RTN1: variants seen among roughly 807,000 people sequenced by gnomAD.
The protein encoded by RTN1 is reticulon 1.
RTN1 carries 25 observed loss-of-function variants against 65.5 expected under a neutral mutation model. The ratio of observed to expected loss-of-function variants is 0.38; its 90% CI spans 0.28 to 0.53. The LOEUF is 0.53. RTN1 is among the 20% of genes least tolerant of loss of function. RTN1 has a pLI of 0.79. For missense variants in RTN1, 983 were observed against 1,025.4 expected, an observed-to-expected ratio of 0.96 and a Z score of 0.57; for synonymous variants, 471 against 447.6, an observed-to-expected ratio of 1.05 and a Z score of -0.66.
chr14:59,698,472 G>A (rs997700504), intron 3 of RTN1, among the ~76,000 whole-genome samples: 3 of 152,218 alleles, frequency 2.0e-5, no homozygotes, highest in Non-Finnish European at 2.9e-5. Context: ...GAACTCCCAC[G>A]TGTTGTGGGA....
intron 3 of RTN1, among the ~76,000 whole-genome samples, chr14:59,708,950 T>C (rs1171263479): frequency 2.6e-5 from 4 of 152,204 alleles, no homozygotes; most frequent in East Asian, 1.9e-4. Flanking sequence ...TTATAGTTAA[T>C]GTAGTGGAAA....
chr14:59,679,659 G>A (rs907263359), intron 3 of RTN1, among the ~76,000 whole-genome samples: 1 of 152,220 alleles, frequency 6.6e-6, no homozygotes, highest in Admixed American at 6.5e-5. Context: ...CCTGACCTAT[G>A]AGAAGAAGCT....
intron 1 of RTN1, among the ~76,000 whole-genome samples, chr14:59,840,359 G>A (rs972330944): frequency 3.9e-5 from 6 of 152,160 alleles, no homozygotes; most frequent in Non-Finnish European, 8.8e-5. Context: ...AAGCCACCCT[G>A]TCCTCTCCAC....
At chr14:59,630,638 C>T (rs779774819) in intron 3 of RTN1, 5 of 1,353,826 alleles carry the variant, frequency 3.7e-6, no homozygotes, top group Non-Finnish European at 4.8e-6. Flanking sequence ...CTGCACCAGG[C>T]GGCGCGCGGT....
chr14:59,804,398 G>A (rs1886599578), intron 1 of RTN1, among the ~76,000 whole-genome samples: 1 of 152,148 alleles, frequency 6.6e-6, no homozygotes, highest in African/African-American at 2.4e-5. Context: ...GGTCACCTGA[G>A]GTAGTGTTCT....
chr14:59,662,230 A>G (rs1264758222), intron 3 of RTN1, among the ~76,000 whole-genome samples: 1 of 151,446 alleles, frequency 6.6e-6, no homozygotes, highest in Non-Finnish European at 1.5e-5. Context: ...TTACATATGT[A>G]TACACGTGCC....
At chr14:59,680,570 T>TTATA (rs1883725118) in intron 3 of RTN1, among the ~76,000 whole-genome samples, 1 of 152,220 alleles carries the variant, frequency 6.6e-6, no homozygotes, top group African/African-American at 2.4e-5. Context: ...TTATTTAGTG[T>TTATA]GTCCAGGCAT....
rs1357212203 is a variant in RTN1, at chr14:59,846,289, C to T, written c.241+24101G>A. On this transcript the variant is annotated intron_variant, in intron 1 of 8. Coordinates refer to ENST00000267484, the MANE Select transcript of RTN1 (RefSeq NM_021136.3). The surrounding 1 kb of genome is among the most constrained non-coding windows in gnomAD (Gnocchi z 4.8). The stretch of plus-strand genomic sequence containing the variant: ...CCTGGCCCATCTGCTGCTTGTGTCC[C>T]TCCTCCTTGCTCACCTACAGCAGAC... 6.6e-6 allele frequency among the ~76,000 whole-genome samples: 1 copy of T among 152,148 alleles called. No individual in the cohort carries two copies. Among genetic ancestry groups the T allele is most frequent in the African/African-American group, 2.4e-5 (1 of 41,422 alleles).
chr14:59,610,091 G>A, intron 3 of RTN1: 1 of 775,702 alleles, frequency 1.3e-6, no homozygotes, highest in South Asian at 1.4e-5. Flanking sequence ...CTATTTTCAA[G>A]TGAATCCCCT....
chr14:59,788,326 T>G (rs926300286), intron 1 of RTN1, among the ~76,000 whole-genome samples: 3 of 152,192 alleles, frequency 2.0e-5, no homozygotes, highest in African/African-American at 7.2e-5. Flanking sequence ...TGCACTGATT[T>G]GCACTCCTAC....
Position 59,714,485 on chromosome 14 carries a change from T to C in RTN1, c.1765+12434A>G, listed in dbSNP as rs1453905219. Among the ~76,000 whole-genome samples, 3 of 152,154 alleles carry C rather than the reference T, an allele frequency of 2.0e-5. No homozygotes were observed. In the East Asian group the frequency reaches 5.8e-4, roughly 29 times the overall value. ...CAGGTAGCTTTCCACCAGGTAGTCA[T>C]ATAGGAGCCCAGGTTCCTTCTCCTT... On this transcript the variant is annotated intron_variant, in intron 3 of 8. Transcript: ENST00000267484.
chr14:59,758,118 A>G (rs566772995), intron 1 of RTN1, among the ~76,000 whole-genome samples: 1 of 152,264 alleles, frequency 6.6e-6, no homozygotes, highest in East Asian at 1.9e-4. Flanking sequence ...AAAATGTCAT[A>G]TATTTGGAAT....
At position 59,746,192 on chromosome 14, in the gene RTN1, T is replaced by G. The variant is rs553932402; in HGVS notation, c.531A>C (p.Glu177Asp). Residue 177 changes from glutamate (E) to aspartate (D), a missense_variant, in exon 2 of 9, where the codon GAA becomes GAC. Glu to Asp is a conservative substitution (Grantham distance 45, BLOSUM62 2). Around this residue, in one of 2 missense-constraint regions of RTN1, gnomAD observed 818 missense variants for 801.8 expected, o/e 1.02. Coordinates refer to ENST00000267484, the MANE Select transcript of RTN1 (RefSeq NM_021136.3). Reference protein sequence around the residue: ...GIEMTPAESTEVNKILADPLD... With the variant: ...GIEMTPAESTDVNKILADPLD... ...GAGGGTCTGCTAAGATCTTGTTCAC[T>G]TCCGTGGACTCTGCAGGAGTCATCT... is the stretch of plus-strand genomic sequence containing the variant. The G allele has an allele frequency of 6.2e-7, 1 of 1,609,714 alleles. No individual in the cohort carries two copies. The highest frequency in any genetic ancestry group is 1.1e-5 in the South Asian group (1 of 90,192).
At position 59,603,895 on chromosome 14, in the gene RTN1, G is replaced by A; in HGVS notation, c.2139C>T (p.Thr713=). Residue 713 remains threonine (T), a synonymous_variant, in exon 6 of 9, where the codon ACC becomes ACT. Transcript: ENST00000267484. ...LKFAVLMWLL[T]YVGALFNGLT... ...GGCCATTGAAGAGAGCGCCAACGTA[G>A]GTCAGGAGCCACATCAGGACTGCAA... 6.2e-7 allele frequency: 1 copy of A among 1,612,016 alleles called. No homozygotes were observed. The highest frequency in any genetic ancestry group is 8.5e-7 in the Non-Finnish European group (1 of 1,178,496).
At chr14:59,639,863 G>C (rs1271355445) in intron 3 of RTN1, among the ~76,000 whole-genome samples, 1 of 151,936 alleles carries the variant, frequency 6.6e-6, no homozygotes, top group Non-Finnish European at 1.5e-5. Context: ...TGCATTTCTA[G>C]AATAACCTCA....
At chr14:59,773,667 T>C (rs1358243397) in intron 1 of RTN1, among the ~76,000 whole-genome samples, 2 of 152,162 alleles carry the variant, frequency 1.3e-5, no homozygotes, top group Non-Finnish European at 2.9e-5. Flanking sequence ...CATAACTCTA[T>C]ATCTGAGATT....
intron 2 of RTN1, among the ~76,000 whole-genome samples, chr14:59,731,704 C>A (rs1456694962): frequency 6.6e-6 from 1 of 152,114 alleles, no homozygotes; most frequent in East Asian, 1.9e-4. Flanking sequence ...TTTTTGAGTT[C>A]TCATCTTATT....
intron 4 of RTN1, 160 bp from the exon 5 acceptor site, chr14:59,605,666 G>C: frequency 1.6e-6 from 1 of 629,882 alleles, no homozygotes; most frequent in Non-Finnish European, 2.7e-6. Flanking sequence ...ACAGGGCACC[G>C]TACACACCTG....
intron 1 of RTN1, among the ~76,000 whole-genome samples, chr14:59,778,488 T>G (rs563060399): frequency 6.6e-6 from 1 of 152,318 alleles, no homozygotes; most frequent in African/African-American, 2.4e-5. Flanking sequence ...TACCTATTCA[T>G]GCATTCGTCC....
Sources: gnomAD v4.1 joint callset for allele counts (sites outside exome capture counted in the v4.1 genomes callset) on GRCh38, gnomAD v4.1.1 for gene constraint, gnomAD v4.1.1 regional missense constraint, Gnocchi (gnomAD v3.1) non-coding constraint, MANE v1.5 for transcripts, NCBI Gene and HGNC (gene_info 2026-07-23, HGNC 2026-07-21) for gene names.